Variants in POU2F3 observed in about 807,000 individuals in gnomAD.
POU2F3 encodes POU domain, class 2, transcription factor 3.
In POU2F3, 23 loss-of-function variants were observed where a neutral mutation model predicts 59.2. The ratio of observed to expected loss-of-function variants is 0.39; its 90% confidence interval spans 0.28 to 0.55. The LOEUF is 0.55. Among genes scored for constraint, POU2F3 ranks in the 20% least tolerant of loss-of-function variants. The pLI, the probability that POU2F3 is intolerant of heterozygous loss-of-function variation, is 0.66. For missense variants in POU2F3, 473 were observed against 544.5 expected (o/e 0.87, Z 1.31); for synonymous variants, 190 against 214.6 (o/e 0.89, Z 1.00).
intron 2 of POU2F3, among the ~76,000 whole-genome samples, chr11:120,248,288 A>G (rs774305249): frequency 4.6e-5 from 7 of 152,230 alleles, no homozygotes; most frequent in Non-Finnish European, 8.8e-5. Flanking sequence ...TGGATCTAGA[A>G]TCAAACAGAC....
intron 2 of POU2F3, chr11:120,259,257 C>G (rs1939494499): frequency 6.6e-6 from 1 of 152,206 alleles, no homozygotes; most frequent in Admixed American, 6.5e-5. Context: ...GAGGTATGAG[C>G]TTTAAACCAT....
intron 10 of POU2F3, among the ~76,000 whole-genome samples, chr11:120,310,392 G>GA (rs201155650): frequency 0.026 from 3,897 of 152,180 alleles, 77 homozygotes; most frequent in Non-Finnish European, 0.039. Flanking sequence ...CAAGTTTGAG[G>GA]AAAAAAACTA....
chr11:120,295,068 G>A (rs756971924), intron 3 of POU2F3, among the ~76,000 whole-genome samples: 2 of 152,314 alleles, frequency 1.3e-5, no homozygotes, highest in South Asian at 2.1e-4. Flanking sequence ...CTGCTATCAC[G>A]CACTTCATTT....
At chr11:120,307,043 C>T (rs1259341510) in intron 8 of POU2F3, among the ~76,000 whole-genome samples, 1 of 152,248 alleles carries the variant, frequency 6.6e-6, no homozygotes, top group Non-Finnish European at 1.5e-5. Context: ...TTGCTTTTGG[C>T]TGCAAATCTC....
chr11:120,284,273 G>A (rs750129306), intron 3 of POU2F3, among the ~76,000 whole-genome samples: 3 of 152,164 alleles, frequency 2.0e-5, no homozygotes, highest in African/African-American at 4.8e-5. Flanking sequence ...CTTCCTGGGG[G>A]CCACGAATGC....
At chr11:120,253,898 G>A (rs1029075600) in intron 2 of POU2F3, among the ~76,000 whole-genome samples, 1 of 152,176 alleles carries the variant, frequency 6.6e-6, no homozygotes, top group Non-Finnish European at 1.5e-5. Context: ...GGAGATGTTG[G>A]GGGATGATGA....
chr11:120,279,392 G>A (rs909698821), intron 3 of POU2F3, among the ~76,000 whole-genome samples: 1 of 152,088 alleles, frequency 6.6e-6, no homozygotes, highest in Non-Finnish European at 1.5e-5. Context: ...ATACAATAAC[G>A]CACCAATAAA....
Position 120,305,724 on chromosome 11 carries a change from C to T in POU2F3, c.708C>T (p.Asn236=), listed in dbSNP as rs1352916843. The change falls in exon 8 of 13, where the codon AAC becomes AAT. Residue 236 remains asparagine, a synonymous_variant. Coordinates refer to ENST00000543440, the MANE Select transcript of POU2F3 (RefSeq NM_014352.4). ...CCATCTCACGATTTGAGGCCCTCAA[C>T]CTGAGCTTCAAGAACATGTGCAAGC... ...QTTISRFEAL[N]LSFKNMCKLK... is the part of the protein sequence containing the mutation. 1 of 1,613,980 alleles carries T rather than the reference C, an allele frequency of 6.2e-7. No homozygotes were observed. The highest frequency in any genetic ancestry group is 8.5e-7 in the Non-Finnish European group (1 of 1,180,038).
At chr11:120,252,665 C>T (rs1365964255) in intron 2 of POU2F3, among the ~76,000 whole-genome samples, 1 of 152,294 alleles carries the variant, frequency 6.6e-6, no homozygotes, top group East Asian at 1.9e-4. Flanking sequence ...TGCTTCTCTG[C>T]CTCCAGCACT....
chr11:120,257,985 C>T (rs747640414), intron 2 of POU2F3, among the ~76,000 whole-genome samples: 1 of 152,126 alleles, frequency 6.6e-6, no homozygotes, highest in East Asian at 1.9e-4. Context: ...TTTCCTTATG[C>T]GTAAGATGTA....
intron 10 of POU2F3, among the ~76,000 whole-genome samples, chr11:120,311,102 T>C (rs974424212): frequency 1.3e-5 from 2 of 150,482 alleles, no homozygotes; most frequent in Non-Finnish European, 1.5e-5. Flanking sequence ...GAGTGTGGCA[T>C]GCTCACAGAA....
chr11:120,250,232 C>T (rs1939041654), intron 2 of POU2F3: 1 of 152,254 alleles, frequency 6.6e-6, no homozygotes, highest in Admixed American at 6.5e-5. Flanking sequence ...TCAGTCTTTT[C>T]TCCTCTGACA....
At chr11:120,239,603 A>G (rs1483913128), upstream of POU2F3, among the ~76,000 whole-genome samples, 1 of 152,184 alleles carries the variant, frequency 6.6e-6, no homozygotes, top group Non-Finnish European at 1.5e-5. Flanking sequence ...CAATGCTGTG[A>G]GGATGCCATG....
At position 120,302,327 on chromosome 11, in the gene POU2F3, G is replaced by A. The variant is rs200455762; in HGVS notation, c.403G>A (p.Gly135Ser). 3.6e-5 allele frequency: 58 copies of A among 1,613,134 alleles called. No individual in the cohort carries two copies. Among genetic ancestry groups the A allele is most frequent in the Non-Finnish European group, 4.6e-5 (54 of 1,179,188 alleles). The part of the protein sequence containing the change: ...NLLPFPQQQS[G>S]LLLPQTGPGL... ...CCTCCCCTTTCCACAGCAACAAAGCGGTCTCCTCCTCCCACAGACTGGGCC... is the reference window on the plus strand; with the variant it reads ...CCTCCCCTTTCCACAGCAACAAAGCAGTCTCCTCCTCCCACAGACTGGGCC... Residue 135 changes from glycine to serine, a missense_variant, in exon 6 of 13, where the codon GGT becomes AGT. Coordinates refer to ENST00000543440, the MANE Select transcript of POU2F3 (RefSeq NM_014352.4).
At chr11:120,276,558 G>C (rs551253146) in intron 3 of POU2F3, among the ~76,000 whole-genome samples, 148 of 152,198 alleles carry the variant, frequency 9.7e-4, no homozygotes, top group Non-Finnish European at 1.8e-3. Context: ...ACAGGATTTG[G>C]GGGTGGTGGG....
intron 2 of POU2F3, among the ~76,000 whole-genome samples, chr11:120,257,522 G>A (rs1939393143): frequency 6.6e-6 from 1 of 151,890 alleles, no homozygotes. Context: ...GCTTCTCACT[G>A]GCTCCTCCAC....
intron 2 of POU2F3, among the ~76,000 whole-genome samples, chr11:120,248,391 A>G (rs994636555): frequency 1.3e-5 from 2 of 152,224 alleles, no homozygotes; most frequent in African/African-American, 4.8e-5. Context: ...GTAATGCCCA[A>G]CTTAGAGAGT....
intron 2 of POU2F3, among the ~76,000 whole-genome samples, chr11:120,251,169 T>C (rs764928627): frequency 6.6e-6 from 1 of 152,216 alleles, no homozygotes; most frequent in African/African-American, 2.4e-5. Context: ...AGCCAGGATC[T>C]TGCTATGTTG....
At chr11:120,296,593 C>T (rs1941199021) in intron 3 of POU2F3, among the ~76,000 whole-genome samples, 1 of 152,116 alleles carries the variant, frequency 6.6e-6, no homozygotes, top group Non-Finnish European at 1.5e-5. Flanking sequence ...GCGTGTTGTT[C>T]CCCTCTATGT....
Sources: gnomAD v4.1 joint callset for allele counts (sites outside exome capture counted in the v4.1 genomes callset) on GRCh38, gnomAD v4.1.1 for gene constraint, MANE v1.5 for transcripts, NCBI Gene and HGNC (gene_info 2026-07-23, HGNC 2026-07-21) for gene names.